Variants in WSCD2 observed in about 807,000 individuals in gnomAD.
The protein encoded by WSCD2 is WSC domain sialate O sulfotransferase 2, also known as sialate:O-sulfotransferase 2.
A neutral mutation model predicts 55.7 loss-of-function variants in WSCD2; 28 were observed. The ratio of observed to expected loss-of-function variants is 0.50; its 90% confidence interval spans 0.37 to 0.69. WSCD2 has a LOEUF of 0.69. WSCD2 is among the 30% of genes least tolerant of loss of function. The pLI is 0.00. For missense variants in WSCD2, 616 were observed against 762.1 expected, an observed-to-expected ratio of 0.81 and a Z score of 2.26; for synonymous variants, 301 against 301.9, an observed-to-expected ratio of 1.00 and a Z score of 0.03.
intron 4 of WSCD2, among the ~76,000 whole-genome samples, chr12:108,216,564 C>T (rs1886853524): frequency 6.6e-6 from 1 of 152,152 alleles, no homozygotes; most frequent in Admixed American, 6.5e-5. Context: ...TTGGGTTCCC[C>T]CAATACAGGG....
At chr12:108,226,915 G>A in intron 5 of WSCD2, 75 bp from the exon 6 acceptor site, 1 of 1,494,980 alleles carries the variant, frequency 6.7e-7, no homozygotes. Flanking sequence ...TGCAAATCCT[G>A]TTCTCCATTT....
At chr12:108,178,093 A>T (rs1028964647) in intron 1 of WSCD2, among the ~76,000 whole-genome samples, 1 of 152,114 alleles carries the variant, frequency 6.6e-6, no homozygotes, top group Admixed American at 6.5e-5. Flanking sequence ...AAACAACTAA[A>T]ATTTATTATC....
At chr12:108,166,791 GTCTT>G (rs1221291538) in intron 1 of WSCD2, among the ~76,000 whole-genome samples, 5 of 31,724 alleles carry the variant, frequency 1.6e-4, no homozygotes, top group East Asian at 1.5e-3. Context: ...CTTTCTTTCT[GTCTT>G]TCTTTCTTTC....
chr12:108,146,890 C>T (rs1049901805), intron 1 of WSCD2, among the ~76,000 whole-genome samples: 4 of 152,186 alleles, frequency 2.6e-5, no homozygotes, highest in African/African-American at 9.7e-5. Flanking sequence ...AAAAGTCCGG[C>T]CAGTCCTTTT....
intron 1 of WSCD2, 116 bp downstream of exon 1, chr12:108,130,042 C>G (rs1207611221): frequency 6.6e-6 from 1 of 152,294 alleles, no homozygotes; most frequent in Non-Finnish European, 1.5e-5. Flanking sequence ...GACGCTTCCC[C>G]GCAGGTTGGG....
At chr12:108,129,958 G>C (rs1297383935) in intron 1 of WSCD2, 32 bp downstream of exon 1, 1 of 152,298 alleles carries the variant, frequency 6.6e-6, no homozygotes, top group South Asian at 2.1e-4. Flanking sequence ...CCTGGGAAGA[G>C]GGCTCCAGGA....
intron 1 of WSCD2, among the ~76,000 whole-genome samples, chr12:108,140,373 G>A (rs1237611925): frequency 1.3e-5 from 2 of 152,154 alleles, no homozygotes; most frequent in Non-Finnish European, 1.5e-5. Flanking sequence ...CTTGTCAGAG[G>A]TGAGCTACAT....
chr12:108,247,698 A>G (rs945084502), intron 8 of WSCD2, among the ~76,000 whole-genome samples: 2 of 152,144 alleles, frequency 1.3e-5, no homozygotes, highest in African/African-American at 2.4e-5. Context: ...AAGGACTGCA[A>G]GCATGCACCT....
At chr12:108,140,114 A>G (rs1876634079) in intron 1 of WSCD2, among the ~76,000 whole-genome samples, 1 of 152,180 alleles carries the variant, frequency 6.6e-6, no homozygotes, top group Non-Finnish European at 1.5e-5. Flanking sequence ...TGATGGCATC[A>G]TCCCGAGTCA....
At chr12:108,194,005 G>T (rs752618509) in intron 1 of WSCD2, among the ~76,000 whole-genome samples, 9 of 152,156 alleles carry the variant, frequency 5.9e-5, no homozygotes, top group Non-Finnish European at 1.0e-4. Context: ...GGAATCTCAG[G>T]CGTTGGCTAA....
intron 1 of WSCD2, among the ~76,000 whole-genome samples, chr12:108,174,593 T>C (rs1322387845): frequency 1.3e-5 from 2 of 152,130 alleles, no homozygotes; most frequent in African/African-American, 4.8e-5. Flanking sequence ...CCACAAAATA[T>C]CTTTGAGCTC....
chr12:108,141,580 C>T (rs778992811), intron 1 of WSCD2, among the ~76,000 whole-genome samples: 38 of 152,156 alleles, frequency 2.5e-4, no homozygotes, highest in South Asian at 6.2e-4. Flanking sequence ...TGTCTGCTTC[C>T]GTCATCACAT....
intron 3 of WSCD2, among the ~76,000 whole-genome samples, chr12:108,207,439 G>A (rs1448360250): frequency 2.6e-5 from 4 of 151,334 alleles, no homozygotes; most frequent in African/African-American, 7.3e-5. Flanking sequence ...GCATAATCTC[G>A]GCTCACTGCA....
intron 1 of WSCD2, among the ~76,000 whole-genome samples, chr12:108,132,494 G>C (rs1330623262): frequency 6.6e-6 from 1 of 152,196 alleles, no homozygotes; most frequent in African/African-American, 2.4e-5. Flanking sequence ...GGATTTATGA[G>C]TGTGAGCGTG....
chr12:108,149,494 C>T (rs1228062142), intron 1 of WSCD2, among the ~76,000 whole-genome samples: 2 of 152,206 alleles, frequency 1.3e-5, no homozygotes, highest in East Asian at 1.9e-4. Flanking sequence ...CCCCCACCAG[C>T]CAGGCCCCCA....
At chr12:108,232,621 C>T in intron 6 of WSCD2, 110 bp from the exon 7 acceptor site, 2 of 1,132,046 alleles carry the variant, frequency 1.8e-6, no homozygotes, top group East Asian at 2.6e-5. Flanking sequence ...GTCCTGTGCC[C>T]TTGATCACCT....
chr12:108,145,808 G>A (rs1024102788), intron 1 of WSCD2, among the ~76,000 whole-genome samples: 2 of 152,172 alleles, frequency 1.3e-5, no homozygotes, highest in Admixed American at 1.3e-4. Context: ...ACAACCTACA[G>A]CTATAATCCA....
intron 1 of WSCD2, among the ~76,000 whole-genome samples, chr12:108,187,749 G>A (rs1162066651): frequency 2.0e-5 from 3 of 152,180 alleles, no homozygotes; most frequent in Non-Finnish European, 2.9e-5. Flanking sequence ...AATGAGGCAG[G>A]GTGGATTGGC....
At chr12:108,231,194 C>G (rs867059521) in intron 6 of WSCD2, among the ~76,000 whole-genome samples, 2 of 152,070 alleles carry the variant, frequency 1.3e-5, no homozygotes, top group African/African-American at 4.8e-5. Flanking sequence ...CCTGCCTTCC[C>G]TTGGATGATA....
Sources: allele counts gnomAD v4.1 joint callset (sites outside exome capture counted in the v4.1 genomes callset), GRCh38; gene constraint gnomAD v4.1.1; transcripts MANE v1.5; gene names NCBI Gene and HGNC (gene_info 2026-07-23, HGNC 2026-07-21).